Variants in TRIO observed in about 807,000 individuals in gnomAD.
TRIO encodes the protein triple functional domain protein.
Under a neutral mutation model 351.9 loss-of-function variants are expected in TRIO, and 58 were observed. The ratio of observed to expected loss-of-function variants is 0.16; its 90% CI spans 0.13 to 0.21. The LOEUF (loss-of-function observed/expected upper bound fraction) is 0.21, where lower values mean the gene tolerates loss of function less well. Ranked by LOEUF, TRIO falls within the 10% of genes least tolerant of loss-of-function variation. The pLI is 1.00. For synonymous variants in TRIO, 1,758 were observed against 1,595.7 expected, an observed-to-expected ratio of 1.10 and a Z score of -2.42; for missense variants, 3,201 against 4,027.8, an observed-to-expected ratio of 0.79 and a Z score of 5.56.
At chr5:14,269,346 C>G (rs778240553) in intron 1 of TRIO, among the ~76,000 whole-genome samples, 1 of 152,218 alleles carries the variant, frequency 6.6e-6, no homozygotes, top group Non-Finnish European at 1.5e-5. Flanking sequence ...GTTGTAGAGA[C>G]TGAATTCTGC....
chr5:14,361,043 G>T (rs982631950), intron 13 of TRIO, among the ~76,000 whole-genome samples: 1 of 152,090 alleles, frequency 6.6e-6, no homozygotes. Context: ...GGCCAGCCAC[G>T]CCTACTTTCC....
chr5:14,278,913 A>G (rs144906470), intron 2 of TRIO, among the ~76,000 whole-genome samples: 71 of 152,278 alleles, frequency 4.7e-4, no homozygotes, highest in Non-Finnish European at 8.5e-4. Context: ...AGATCATGCA[A>G]TTTTCTTTTG....
At chr5:14,488,440 C>T in intron 48 of TRIO, 180 bp downstream of exon 48, 1 of 855,216 alleles carries the variant, frequency 1.2e-6, no homozygotes, top group Non-Finnish European at 1.7e-6. Context: ...ACTAACTACT[C>T]CTTGCTTTGT....
At chr5:14,290,679 G>A (rs1000544864) in intron 4 of TRIO, 37 bp from the exon 5 acceptor site, 2 of 1,544,108 alleles carry the variant, frequency 1.3e-6, no homozygotes, top group African/African-American at 2.8e-5. Context: ...ATATAAAATT[G>A]GTTCATCTTC....
intron 41 of TRIO, among the ~76,000 whole-genome samples, chr5:14,478,104 G>A (rs1457632577): frequency 1.3e-5 from 2 of 152,092 alleles, no homozygotes; most frequent in East Asian, 1.9e-4. Context: ...AAAAAAAAGT[G>A]GTTAGTTCCA....
At position 14,389,479 on chromosome 5, in the gene TRIO, T is replaced by A. The variant is rs146018531; in HGVS notation, c.4058+81T>A. ...CATCACAAGAAATGAACCATTCCCA[T>A]TGAATTAAGCAGATTTCAGTGATTT... On this transcript the variant is annotated intron_variant, in intron 25 of 56. Transcript: ENST00000344204. The A allele has an allele frequency of 3.6e-4, 362 of 1,006,462 alleles. 2 individuals carry two copies. In the East Asian group the frequency reaches 9.8e-3, roughly 27 times the overall value. 62.3% of individuals were successfully genotyped at this position (1,006,462 alleles called of 1,614,324 possible). A position where few individuals can be genotyped will look rare whatever the true frequency, so the allele number is the denominator to read the frequency against.
chr5:14,260,788 G>GT (rs1272069900), intron 1 of TRIO, among the ~76,000 whole-genome samples: 2 of 152,196 alleles, frequency 1.3e-5, no homozygotes, highest in Non-Finnish European at 2.9e-5. Flanking sequence ...TTTTAAATGT[G>GT]TAATTTAGTA....
chr5:14,253,543 T>G (rs1794863406), intron 1 of TRIO, among the ~76,000 whole-genome samples: 1 of 152,176 alleles, frequency 6.6e-6, no homozygotes, highest in Non-Finnish European at 1.5e-5. Context: ...TTCGCCATGC[T>G]GCCCAGGCTG....
chr5:14,467,507 ACTCCACTG>A (rs1268496096), intron 37 of TRIO, among the ~76,000 whole-genome samples: 1 of 151,916 alleles, frequency 6.6e-6, no homozygotes, highest in Non-Finnish European at 1.5e-5. Context: ...ACGAATTCGG[ACTCCACTG>A]GTTAAGATTT....
At chr5:14,163,558 A>T (rs773325452) in intron 1 of TRIO, among the ~76,000 whole-genome samples, 2 of 152,184 alleles carry the variant, frequency 1.3e-5, no homozygotes, top group South Asian at 4.1e-4. Flanking sequence ...CTGTCTCTCT[A>T]TTCTAGCCTG....
intron 11 of TRIO, among the ~76,000 whole-genome samples, chr5:14,340,986 G>C (rs1020595593): frequency 2.0e-5 from 3 of 152,182 alleles, no homozygotes; most frequent in African/African-American, 4.8e-5. Context: ...GAGGTTCGTA[G>C]CCTCCTTTCA....
At chr5:14,369,663 A>T (rs1444922901) in intron 18 of TRIO, 140 bp downstream of exon 18, 4 of 1,103,962 alleles carry the variant, frequency 3.6e-6, no homozygotes, top group Non-Finnish European at 4.8e-6. Flanking sequence ...GTGTCGCATC[A>T]GTGAGAAGTC....
At chr5:14,214,976 A>C (rs1792130697) in intron 1 of TRIO, among the ~76,000 whole-genome samples, 1 of 152,234 alleles carries the variant, frequency 6.6e-6, no homozygotes, top group Admixed American at 6.5e-5. Context: ...TGGAGGAAGA[A>C]AGTAAAATGA....
intron 2 of TRIO, among the ~76,000 whole-genome samples, chr5:14,272,090 G>A (rs1796011153): frequency 6.6e-6 from 1 of 152,218 alleles, no homozygotes; most frequent in Non-Finnish European, 1.5e-5. Flanking sequence ...AGTTTTAAAA[G>A]TAGCATTTAT....
intron 1 of TRIO, among the ~76,000 whole-genome samples, chr5:14,211,346 C>T (rs1224623362): frequency 1.3e-5 from 2 of 152,088 alleles, no homozygotes; most frequent in African/African-American, 4.8e-5. Flanking sequence ...TAATTTAGAC[C>T]TGTTTATAAG....
At chr5:14,495,160 A>G (rs575928730) in intron 49 of TRIO, among the ~76,000 whole-genome samples, 15 of 152,330 alleles carry the variant, frequency 9.8e-5, no homozygotes, top group Admixed American at 3.9e-4. Flanking sequence ...AATAACTCAG[A>G]TGTGGCAGAA....
chr5:14,195,279 A>G (rs72742586), intron 1 of TRIO, among the ~76,000 whole-genome samples: 9,310 of 152,234 alleles, frequency 0.061, 373 homozygotes, highest in Middle Eastern at 0.12. Context: ...CAATCTAGTT[A>G]ATTCTAGCAA....
chr5:14,346,827 A>G (rs60738268), intron 11 of TRIO, among the ~76,000 whole-genome samples: 15,686 of 152,256 alleles, frequency 0.1, 1,344 homozygotes, highest in African/African-American at 0.23. Context: ...AGAATCAACC[A>G]AGGGTGCTAG....
Position 14,297,196 on chromosome 5 carries a change from C to A in TRIO, c.1301C>A (p.Ala434Glu), listed in dbSNP as rs772598492. ...CTGGAGCAGGAGTGGAAGGCGTTTGCGGCAGCCCTGGATGAGCGGAGCACC... is the reference window on the plus strand; with the variant it reads ...CTGGAGCAGGAGTGGAAGGCGTTTGAGGCAGCCCTGGATGAGCGGAGCACC... ...SQLEQEWKAFAAALDERSTLL... is the reference protein window; with the variant it reads ...SQLEQEWKAFEAALDERSTLL... The change falls in exon 7 of 57, where the codon GCG (alanine) becomes GAG (glutamate). Residue 434 changes from alanine to glutamate, a missense_variant. Ala to Glu is a moderately radical substitution (Grantham distance 107, BLOSUM62 -1). Transcript: ENST00000344204. 1.2e-6 allele frequency: 2 copies of A among 1,614,170 alleles called. No individual in the cohort carries two copies. Among genetic ancestry groups the A allele is most frequent in the Admixed American group, 3.3e-5 (2 of 60,022 alleles).
Sources: allele counts gnomAD v4.1 joint callset (sites outside exome capture counted in the v4.1 genomes callset), GRCh38; gene constraint gnomAD v4.1.1; transcripts MANE v1.5; gene names NCBI Gene and HGNC (gene_info 2026-07-23, HGNC 2026-07-21).